The following ABCD3 variants were observed in gnomAD, a reference collection of about 807,000 sequenced individuals.
ABCD3 encodes the protein ATP-binding cassette sub-family D member 3.
Under a neutral mutation model 105.5 loss-of-function variants are expected in ABCD3, and 41 were observed. That is an observed-to-expected ratio of 0.39 (90% CI 0.30 to 0.50). ABCD3 has a LOEUF of 0.50. Among genes scored for constraint, ABCD3 ranks in the 20% least tolerant of loss-of-function variants. The probability of loss-of-function intolerance (pLI) is 0.84; values close to 1 mark genes in which losing one functional copy is unlikely to be tolerated. For synonymous variants in ABCD3, 258 were observed against 269.0 expected (o/e 0.96, Z 0.40); for missense variants, 622 against 806.3 (o/e 0.77, Z 2.77).
chr1:94,437,100 A>G (rs1659935235), intron 1 of ABCD3, among the ~76,000 whole-genome samples: 1 of 152,218 alleles, frequency 6.6e-6, no homozygotes, highest in Non-Finnish European at 1.5e-5. Flanking sequence ...CATCTCTATA[A>G]TATGAAATTG....
In ABCD3 at chr1:94,498,694, G is replaced by A. The variant is rs1439382154; in HGVS notation, c.1464+15G>A. On this transcript the variant is annotated intron_variant, in intron 17 of 22. Transcript: ENST00000370214. ...TTCTTGGTGAAGTAAGTACAAGTTG[G>A]CCTCAAAATTTTGCAGTCTTATTTT... 1.9e-6 allele frequency: 3 copies of A among 1,613,102 alleles called. No homozygotes were observed. The highest frequency in any genetic ancestry group is 1.6e-4 in the Middle Eastern group (1 of 6,074).
At chr1:94,405,809 T>A in the ABCD3 span, among the ~76,000 whole-genome samples, 1 of 152,226 alleles carries the variant, frequency 6.6e-6, no homozygotes, top group South Asian at 2.1e-4. Context: ...TTTTATAAGT[T>A]CTTTATCAGT....
chr1:94,388,525 T>C, the ABCD3 span, among the ~76,000 whole-genome samples: 1 of 152,208 alleles, frequency 6.6e-6, no homozygotes, highest in Non-Finnish European at 1.5e-5. Context: ...TTTTTCCTAA[T>C]AGCTCCAAAT....
rs1659543247 is a variant in ABCD3 at position 94,428,164 on chromosome 1, T to C, written c.110+9576T>C. ...ACACCTTTCTTATCAGTTTGCTAGA[T>C]TAGCAGGCCCGAGTGAATGCAGTTA... On this transcript the variant is annotated intron_variant, in intron 1 of 22. Coordinates refer to ENST00000370214, the MANE Select transcript of ABCD3 (RefSeq NM_002858.4). 2.6e-5 allele frequency among the ~76,000 whole-genome samples: 4 copies of C among 152,008 alleles called. No homozygotes were observed. In the South Asian group the frequency reaches 8.3e-4, roughly 31 times the overall value.
intron 22 of ABCD3, 133 bp downstream of exon 22, chr1:94,515,335 G>T: frequency 1.4e-6 from 1 of 735,072 alleles, no homozygotes; most frequent in South Asian, 1.7e-5. Context: ...AGGTGGTTTT[G>T]TTTTATAAAA....
At chr1:94,398,365 C>A in the ABCD3 span, among the ~76,000 whole-genome samples, 17 of 152,114 alleles carry the variant, frequency 1.1e-4, no homozygotes, top group Non-Finnish European at 2.5e-4. Context: ...CCCTAATATA[C>A]CTATAAAATA....
At chr1:94,508,599 C>G (rs1265894403) in intron 21 of ABCD3, among the ~76,000 whole-genome samples, 2 of 149,262 alleles carry the variant, frequency 1.3e-5, no homozygotes, top group African/African-American at 2.5e-5. Context: ...GCCATTTTCA[C>G]GATATTGATT....
At chr1:94,483,092 C>T (rs1649103150) in intron 9 of ABCD3, 78 bp from the exon 10 acceptor site, 3 of 918,806 alleles carry the variant, frequency 3.3e-6, no homozygotes, top group African/African-American at 1.7e-5. Context: ...AAACATTCAG[C>T]CATCATATAC....
chr1:94,508,291 T>C (rs1258369884), intron 21 of ABCD3, among the ~76,000 whole-genome samples: 1 of 152,012 alleles, frequency 6.6e-6, no homozygotes, highest in South Asian at 2.1e-4. Flanking sequence ...TGTCAAAGAT[T>C]AGATAGTTGT....
At chr1:94,473,611 A>G (rs1292402500) in intron 4 of ABCD3, among the ~76,000 whole-genome samples, 155 bp from the exon 5 acceptor site, 1 of 152,116 alleles carries the variant, frequency 6.6e-6, no homozygotes, top group East Asian at 1.9e-4. Flanking sequence ...AGTTGCAAAC[A>G]TGTTTTTGCA....
At chr1:94,416,350 G>T (rs1659005988), upstream of ABCD3, among the ~76,000 whole-genome samples, 1 of 152,126 alleles carries the variant, frequency 6.6e-6, no homozygotes, top group African/African-American at 2.4e-5. Context: ...ATATTTTCAT[G>T]TTTGTGTTCT....
chr1:94,460,514 TAGTA>T (rs1447186928), intron 2 of ABCD3, among the ~76,000 whole-genome samples: 10 of 152,186 alleles, frequency 6.6e-5, no homozygotes, highest in African/African-American at 1.4e-4. Context: ...TTAATTCACT[TAGTA>T]AGTCAGTCTT....
chr1:94,509,268 G>T (rs568877682), intron 21 of ABCD3, among the ~76,000 whole-genome samples: 76 of 152,294 alleles, frequency 5.0e-4, no homozygotes, highest in African/African-American at 1.8e-3. Flanking sequence ...CTTTGGTTCT[G>T]TTTATATGCT....
At chr1:94,509,428 G>A (rs962606889) in intron 21 of ABCD3, among the ~76,000 whole-genome samples, 9 of 152,144 alleles carry the variant, frequency 5.9e-5, no homozygotes, top group Non-Finnish European at 1.5e-5. Flanking sequence ...TGTTCATCAA[G>A]GATATTGGTC....
chr1:94,399,414 T>C, the ABCD3 span, among the ~76,000 whole-genome samples: 2 of 152,222 alleles, frequency 1.3e-5, no homozygotes, highest in African/African-American at 4.8e-5. Flanking sequence ...TCTCCATTGG[T>C]AAGTCCTTGC....
intron 1 of ABCD3, among the ~76,000 whole-genome samples, chr1:94,420,907 A>G (rs1570725857): frequency 2.0e-5 from 3 of 152,342 alleles, no homozygotes; most frequent in Non-Finnish European, 4.4e-5. Context: ...TAGAATATAT[A>G]TTCCCTTAGA....
At chr1:94,480,689 G>T in intron 9 of ABCD3, 83 bp downstream of exon 9, 1 of 1,425,454 alleles carries the variant, frequency 7.0e-7, no homozygotes, top group Non-Finnish European at 9.9e-7. Flanking sequence ...AAAAAGTCTA[G>T]TGACACTGTT....
chr1:94,441,425 C>A (rs934221074), intron 1 of ABCD3, among the ~76,000 whole-genome samples: 3 of 151,846 alleles, frequency 2.0e-5, no homozygotes, highest in African/African-American at 7.2e-5. Flanking sequence ...GAGGTGCAGC[C>A]TTTGTGGAGG....
intron 1 of ABCD3, among the ~76,000 whole-genome samples, chr1:94,442,927 C>G (rs576444914): frequency 1.6e-3 from 238 of 152,134 alleles, no homozygotes; most frequent in African/African-American, 4.8e-3. Context: ...GATAAACATA[C>G]CAGTGCAGGT....
Sources: gnomAD v4.1 joint callset for allele counts (sites outside exome capture counted in the v4.1 genomes callset) on GRCh38, gnomAD v4.1.1 for gene constraint, MANE v1.5 for transcripts, NCBI Gene and HGNC (gene_info 2026-07-23, HGNC 2026-07-21) for gene names.